CALN1: variants seen among roughly 807,000 people sequenced by gnomAD.
CALN1 encodes the protein calcium-binding protein 8.
CALN1 carries 17 observed loss-of-function variants against 30.6 expected under a neutral mutation model. The ratio of observed to expected loss-of-function variants is 0.56; its 90% CI spans 0.38 to 0.83. The LOEUF (loss-of-function observed/expected upper bound fraction) is 0.83. Ranked by LOEUF, CALN1 falls within the 40% of genes least tolerant of loss-of-function variation. The pLI, the probability that CALN1 is intolerant of heterozygous loss-of-function variation, is 0.00. For missense variants in CALN1, 291 were observed against 354.9 expected (o/e 0.82, Z 1.45); for synonymous variants, 156 against 131.4 (o/e 1.19, Z -1.28).
intron 5 of CALN1, among the ~76,000 whole-genome samples, chr7:71,956,853 C>T (rs1029981780): frequency 1.3e-5 from 2 of 152,030 alleles, no homozygotes; most frequent in Admixed American, 6.6e-5. Context: ...CCCACCATCA[C>T]GCCTGGCTAA....
intron 3 of CALN1, among the ~76,000 whole-genome samples, chr7:72,121,377 C>T (rs376063553): frequency 1.4e-5 from 2 of 141,308 alleles, no homozygotes; most frequent in African/African-American, 5.2e-5. Flanking sequence ...ATATAAATTA[C>T]GTATTATATA....
At chr7:72,171,311 A>G (rs1186495913) in intron 3 of CALN1, among the ~76,000 whole-genome samples, 1 of 152,176 alleles carries the variant, frequency 6.6e-6, no homozygotes, top group Non-Finnish European at 1.5e-5. Flanking sequence ...CCAAATAATC[A>G]AAGTCTTTTA....
At chr7:72,042,248 T>C (rs1289415413) in intron 4 of CALN1, among the ~76,000 whole-genome samples, 3 of 152,118 alleles carry the variant, frequency 2.0e-5, no homozygotes, top group African/African-American at 4.8e-5. Flanking sequence ...CCCATTACCA[T>C]GTTCAATAGT....
intron 2 of CALN1, among the ~76,000 whole-genome samples, chr7:72,345,355 G>C (rs1462117657): frequency 2.5e-5 from 3 of 120,620 alleles, no homozygotes; most frequent in African/African-American, 5.6e-5. Context: ...AGGAAAGAAA[G>C]AGAAGGAAGG....
chr7:71,816,702 C>A (rs1354832774), intron 5 of CALN1, among the ~76,000 whole-genome samples: 1 of 152,084 alleles, frequency 6.6e-6, no homozygotes, highest in Non-Finnish European at 1.5e-5. Context: ...GTAATCCCAG[C>A]ACTTTGGGAG....
intron 2 of CALN1, among the ~76,000 whole-genome samples, chr7:72,307,237 T>G (rs1283667644): frequency 6.6e-6 from 1 of 152,256 alleles, no homozygotes; most frequent in Non-Finnish European, 1.5e-5. Flanking sequence ...ATGAATAGTA[T>G]GTAAATTAGA....
At chr7:72,348,607 G>C (rs143149938) in intron 2 of CALN1, among the ~76,000 whole-genome samples, 2 of 152,224 alleles carry the variant, frequency 1.3e-5, no homozygotes, top group East Asian at 3.8e-4. Context: ...ATTTCTAGAC[G>C]TAAGAAAGAA....
At chr7:72,341,522 C>CA (rs1339783916) in intron 2 of CALN1, among the ~76,000 whole-genome samples, 4 of 138,684 alleles carry the variant, frequency 2.9e-5, no homozygotes, top group East Asian at 4.2e-4. Context: ...GACTCAGTCT[C>CA]AAAAAACAAA....
intron 2 of CALN1, among the ~76,000 whole-genome samples, chr7:72,369,153 C>T (rs1804058886): frequency 6.6e-6 from 1 of 151,754 alleles, no homozygotes; most frequent in African/African-American, 2.4e-5. Flanking sequence ...TGAAATCTTA[C>T]TGACACACAA....
intron 2 of CALN1, among the ~76,000 whole-genome samples, chr7:72,297,827 C>T (rs1798971959): frequency 6.6e-6 from 1 of 152,206 alleles, no homozygotes; most frequent in Admixed American, 6.5e-5. Flanking sequence ...GGTGAAGTTT[C>T]ATCTTCCCTA....
At chr7:71,919,785 A>T (rs1219220248) in intron 5 of CALN1, among the ~76,000 whole-genome samples, 2 of 152,202 alleles carry the variant, frequency 1.3e-5, no homozygotes, top group East Asian at 3.8e-4. Flanking sequence ...CCCTACAATG[A>T]TGCTACAAGA....
intron 4 of CALN1, among the ~76,000 whole-genome samples, chr7:72,026,970 A>G (rs59254802): frequency 0.29 from 43,586 of 152,024 alleles, 9,796 homozygotes; most frequent in African/African-American, 0.63. Context: ...CACCTCCACT[A>G]GTCACAGGTG....
At chr7:72,494,803 G>A in the CALN1 span, among the ~76,000 whole-genome samples, 2 of 152,096 alleles carry the variant, frequency 1.3e-5, no homozygotes, top group Admixed American at 1.3e-4. Flanking sequence ...AGAGTTCGAG[G>A]CTGCAGTGAG....
chr7:72,338,525 G>GTGTGTGTGTGTGTGTCTGTCTGTCTTTC, intron 2 of CALN1, among the ~76,000 whole-genome samples: 6 of 122,376 alleles, frequency 4.9e-5, no homozygotes, highest in African/African-American at 1.6e-4. Flanking sequence ...GTGTGTGTGT[G>GTGTGTGTGTGTGTGTCTGTCTGTCTTTC]TGTCTCACCT....
intron 2 of CALN1, among the ~76,000 whole-genome samples, chr7:72,384,187 GT>G (rs1562936969): frequency 1.3e-5 from 2 of 152,074 alleles, no homozygotes; most frequent in East Asian, 1.9e-4. Flanking sequence ...TAATAAAATA[GT>G]TTTTTTCCAT....
In CALN1 at chr7:72,340,511, T is replaced by C. The variant is rs138607054; in HGVS notation, c.120-61701A>G. ...GTAAGCCAACTGGGTGGTTGGGACT[T>C]AAGCATGAGCTGCCTGATTCCTCTT... On this transcript the variant is annotated intron_variant, in intron 2 of 6. Coordinates refer to ENST00000395275, the MANE Select transcript of CALN1 (RefSeq NM_031468.4). Among the ~76,000 whole-genome samples the C allele has an allele frequency of 6.6e-5, 10 of 152,346 alleles. No homozygotes were observed. The East Asian group carries it at 1.9e-3, about 29-fold the overall frequency.
intron 4 of CALN1, among the ~76,000 whole-genome samples, chr7:72,097,212 G>A (rs1806297207): frequency 6.6e-6 from 1 of 152,124 alleles, no homozygotes. Context: ...TAATGTAAAT[G>A]ACGAATTAAT....
intron 3 of CALN1, among the ~76,000 whole-genome samples, chr7:72,270,825 G>A (rs1796925850): frequency 6.6e-6 from 1 of 152,190 alleles, no homozygotes; most frequent in South Asian, 2.1e-4. Flanking sequence ...CTAACTAAGT[G>A]TGCATTTGAG....
intron 6 of CALN1, among the ~76,000 whole-genome samples, chr7:71,800,665 G>A (rs1436443614): frequency 1.3e-5 from 2 of 152,050 alleles, no homozygotes; most frequent in Admixed American, 6.6e-5. Flanking sequence ...ATGAGCACGG[G>A]TGATGAAGCA....
Sources: allele counts gnomAD v4.1 joint callset (sites outside exome capture counted in the v4.1 genomes callset), GRCh38; gene constraint gnomAD v4.1.1; transcripts MANE v1.5; gene names NCBI Gene and HGNC (gene_info 2026-07-23, HGNC 2026-07-21).